POU2F1: variants seen among roughly 807,000 people sequenced by gnomAD.
POU2F1 encodes the protein POU class 2 homeobox 1.
In POU2F1, 16 loss-of-function variants were observed where a neutral mutation model predicts 84.9. The ratio of observed to expected loss-of-function variants is 0.19; its 90% CI spans 0.13 to 0.29. The LOEUF (loss-of-function observed/expected upper bound fraction) is 0.29, where lower values mean the gene tolerates loss of function less well. Among genes scored for constraint, POU2F1 ranks in the 10% least tolerant of loss-of-function variants. The pLI, the probability that POU2F1 is intolerant of heterozygous loss-of-function variation, is 1.00. For synonymous variants in POU2F1, 368 were observed against 368.3 expected (o/e 1.00, Z 0.01); for missense variants, 738 against 942.6 (o/e 0.78, Z 2.84).
At chr1:167,361,892 A>G (rs1433371024) in intron 2 of POU2F1, among the ~76,000 whole-genome samples, 1 of 152,036 alleles carries the variant, frequency 6.6e-6, no homozygotes, top group African/African-American at 2.4e-5. Flanking sequence ...CTAATCTTGA[A>G]TGGTTTTTTT....
chr1:167,355,708 T>C (rs1658890849), intron 2 of POU2F1, among the ~76,000 whole-genome samples: 1 of 152,132 alleles, frequency 6.6e-6, no homozygotes, highest in Admixed American at 6.5e-5. Flanking sequence ...ACTATGTTGC[T>C]CAAGCTGGTG....
In POU2F1 at chr1:167,249,196, C is replaced by T. The variant is rs80036985; in HGVS notation, c.61+28238C>T. Among the ~76,000 whole-genome samples, 784 of 152,224 alleles carry T rather than the reference C, an allele frequency of 5.2e-3. 8 individuals are homozygous for T. Among genetic ancestry groups the T allele is most frequent in the African/African-American group, 0.018 (740 of 41,516 alleles). ...TTTATCTTCTCATCTCCAAGCTTTC[C>T]CTAGTAACCAGCCCTCTTAAACTTC... On this transcript the variant is annotated intron_variant, in intron 1 of 15. Coordinates refer to ENST00000367866, the MANE Select transcript of POU2F1 (RefSeq NM_002697.4).
intron 1 of POU2F1, among the ~76,000 whole-genome samples, chr1:167,264,212 GT>G (rs111752430): frequency 0.17 from 25,341 of 148,286 alleles, 2,225 homozygotes; most frequent in Non-Finnish European, 0.2. Context: ...TTAAGGAAGT[GT>G]TTTTTTTTTT....
At chr1:167,320,345 C>G (rs1392480744) in intron 1 of POU2F1, among the ~76,000 whole-genome samples, 1 of 152,124 alleles carries the variant, frequency 6.6e-6, no homozygotes, top group Non-Finnish European at 1.5e-5. Flanking sequence ...CATTACTAGA[C>G]CCATCTGTGA....
At chr1:167,367,306 C>T (rs1659746703) in intron 3 of POU2F1, among the ~76,000 whole-genome samples, 1 of 152,100 alleles carries the variant, frequency 6.6e-6, no homozygotes, top group Admixed American at 6.5e-5. Context: ...TCTGTTGCCC[C>T]ATTAACTATA....
chr1:167,290,909 G>C (rs993760237), intron 1 of POU2F1, among the ~76,000 whole-genome samples: 34 of 152,122 alleles, frequency 2.2e-4, no homozygotes, highest in African/African-American at 8.2e-4. Context: ...GCTGGATGTG[G>C]TTGGCATGTG....
intron 1 of POU2F1, among the ~76,000 whole-genome samples, chr1:167,295,053 C>T (rs1430990327): frequency 4.6e-5 from 7 of 151,228 alleles, no homozygotes; most frequent in Non-Finnish European, 1.0e-4. Flanking sequence ...ACCTGGGAGG[C>T]GGAGGTTGCA....
chr1:167,223,656 A>G (rs367586614), intron 1 of POU2F1, among the ~76,000 whole-genome samples: 162 of 152,270 alleles, frequency 1.1e-3, no homozygotes, highest in African/African-American at 3.4e-3. Flanking sequence ...ATTAAACGCA[A>G]GCTAATTTCA....
rs1414576218 is a variant in POU2F1, at chr1:167,376,175, T to A, written c.718+20T>A. On this transcript the variant is annotated intron_variant, in intron 7 of 15. Coordinates refer to ENST00000367866, the MANE Select transcript of POU2F1 (RefSeq NM_002697.4). ...AGCAGGGTGAGCTCCTCCTTAGAGCTTATTAGTGGTATACCAAGGCTGTTC... is the reference window on the plus strand; with the variant it reads ...AGCAGGGTGAGCTCCTCCTTAGAGCATATTAGTGGTATACCAAGGCTGTTC... 5.0e-6 allele frequency: 8 copies of A among 1,612,768 alleles called. No homozygotes were observed.
intron 1 of POU2F1, among the ~76,000 whole-genome samples, chr1:167,247,727 C>T (rs2102394665): frequency 6.6e-6 from 1 of 152,154 alleles, no homozygotes; most frequent in South Asian, 2.1e-4. Context: ...GTCTTTATGA[C>T]TTATTGGAAA....
chr1:167,345,998 CAAAA>C (rs34988697), intron 2 of POU2F1, among the ~76,000 whole-genome samples: 1 of 124,090 alleles, frequency 8.1e-6, no homozygotes. Flanking sequence ...CGCATGTCTA[CAAAA>C]AAAAAAAAAA....
intron 6 of POU2F1, 137 bp from the exon 7 acceptor site, chr1:167,375,890 CCT>C: frequency 1.9e-6 from 2 of 1,052,106 alleles, no homozygotes; most frequent in Non-Finnish European, 2.8e-6. Flanking sequence ...CAGAGCATAC[CCT>C]GTTTGGAATA....
At chr1:167,334,119 C>G (rs892267697) in intron 2 of POU2F1, among the ~76,000 whole-genome samples, 1 of 146,004 alleles carries the variant, frequency 6.8e-6, no homozygotes, top group African/African-American at 2.5e-5. Flanking sequence ...ATAGCAGTTT[C>G]AGCAGTTACC....
chr1:167,352,287 G>A (rs953249099), intron 2 of POU2F1, among the ~76,000 whole-genome samples: 3 of 152,128 alleles, frequency 2.0e-5, no homozygotes, highest in Admixed American at 6.5e-5. Context: ...TATAAAATTT[G>A]ATTTGATTCC....
rs73034554 is a variant in POU2F1 at position 167,236,643 on chromosome 1, T to C, written c.61+15685T>C. On this transcript the variant is annotated intron_variant, in intron 1 of 15. Transcript: ENST00000367866. ...CCTCTTTGGAGAAGTAGCTTAGGGA[T>C]GCAGGTGGAGCTTGGATCAGTCTAC... Among the ~76,000 whole-genome samples the C allele has an allele frequency of 4.4e-3, 677 of 152,292 alleles. 9 individuals carry two copies. Among genetic ancestry groups the C allele is most frequent in the African/African-American group, 0.015 (622 of 41,568 alleles).
intron 1 of POU2F1, among the ~76,000 whole-genome samples, chr1:167,244,403 C>T (rs1165227095): frequency 6.6e-6 from 1 of 152,214 alleles, no homozygotes; most frequent in Non-Finnish European, 1.5e-5. Flanking sequence ...TTCTTCCTGG[C>T]AGTTGGCCAG....
chr1:167,272,108 G>A (rs562473756), intron 1 of POU2F1, among the ~76,000 whole-genome samples: 17 of 152,216 alleles, frequency 1.1e-4, no homozygotes, highest in African/African-American at 4.1e-4. Context: ...TTACACGACA[G>A]GTTTGCTGTC....
intron 1 of POU2F1, among the ~76,000 whole-genome samples, chr1:167,308,234 T>G (rs1213318136): frequency 6.6e-6 from 1 of 151,938 alleles, no homozygotes; most frequent in Non-Finnish European, 1.5e-5. Context: ...GCCTGGCTAA[T>G]TTTTCTATTT....
At chr1:167,251,715 T>A (rs1650740130) in intron 1 of POU2F1, among the ~76,000 whole-genome samples, 1 of 152,226 alleles carries the variant, frequency 6.6e-6, no homozygotes, top group African/African-American at 2.4e-5. Flanking sequence ...TGTTTAGGTT[T>A]CTTTACGTAT....
Sources: allele counts gnomAD v4.1 joint callset (sites outside exome capture counted in the v4.1 genomes callset), GRCh38; gene constraint gnomAD v4.1.1; transcripts MANE v1.5; gene names NCBI Gene and HGNC (gene_info 2026-07-23, HGNC 2026-07-21).